FAM76B: variants seen among roughly 807,000 people sequenced by gnomAD.
FAM76B encodes protein FAM76B.
Under a neutral mutation model 51.8 loss-of-function variants are expected in FAM76B, and 16 were observed. That is an observed-to-expected ratio of 0.31 (90% confidence interval 0.21 to 0.47). FAM76B has a LOEUF of 0.47. FAM76B is among the 20% of genes least tolerant of loss of function. The pLI is 1.00. For synonymous variants in FAM76B, 166 were observed against 129.5 expected (o/e 1.28, Z -1.91); for missense variants, 342 against 392.6 (o/e 0.87, Z 1.09).
rs1220571719 is a variant in FAM76B, at chr11:95,779,939, C to T, written c.564-13G>A. On this transcript the variant is annotated splice_polypyrimidine_tract_variant and intron_variant, in intron 5 of 9. Transcript: ENST00000358780. ...TAGATTGCTGATTCTGAAAAATACA[C>T]AAATGACATCTAATAATGACATTTA... The T allele has an allele frequency of 6.3e-7, 1 of 1,599,522 alleles. No individual in the cohort carries two copies.
At chr11:95,789,154 G>A (rs1860813993) in intron 1 of FAM76B, 2 of 1,200,942 alleles carry the variant, frequency 1.7e-6, no homozygotes, top group Non-Finnish European at 2.3e-6. Flanking sequence ...ACGCTGACGG[G>A]GCCCGGCACC....
chr11:95,779,424 G>A, intron 7 of FAM76B, 183 bp downstream of exon 7: 1 of 594,504 alleles, frequency 1.7e-6, no homozygotes, highest in Non-Finnish European at 2.8e-6. Context: ...ATAGTTCAGT[G>A]CCACTTTCTT....
intron 1 of FAM76B, chr11:95,789,007 C>A (rs980500576): frequency 1.5e-6 from 2 of 1,357,256 alleles, no homozygotes; most frequent in Non-Finnish European, 1.9e-6. Flanking sequence ...CAAGAAAGTG[C>A]AAAAACCGTC....
intron 3 of FAM76B, among the ~76,000 whole-genome samples, 184 bp downstream of exon 3, chr11:95,787,440 C>T (rs1405887467): frequency 6.6e-6 from 1 of 152,136 alleles, no homozygotes; most frequent in Non-Finnish European, 1.5e-5. Flanking sequence ...TGGGGTTTCA[C>T]CGTGTTAGCC....
chr11:95,780,183 A>C (rs1860193664), intron 5 of FAM76B, among the ~76,000 whole-genome samples: 1 of 151,866 alleles, frequency 6.6e-6, no homozygotes, highest in Admixed American at 6.6e-5. Context: ...GTTCAATTTA[A>C]TATCATACAA....
At chr11:95,776,105 T>C in intron 8 of FAM76B, 82 bp from the exon 9 acceptor site, 1 of 691,738 alleles carries the variant, frequency 1.4e-6, no homozygotes, top group Non-Finnish European at 2.2e-6. Flanking sequence ...CACAATAAAC[T>C]CACATTTCAT....
At chr11:95,780,219 G>A (rs865865627) in intron 5 of FAM76B, among the ~76,000 whole-genome samples, 4 of 151,808 alleles carry the variant, frequency 2.6e-5, no homozygotes, top group Admixed American at 2.0e-4. Context: ...AGTAGTTTTC[G>A]TGCTTGTGTC....
chr11:95,786,302 T>G (rs1283837305), intron 3 of FAM76B, 28 bp from the exon 4 acceptor site: 3 of 1,610,996 alleles, frequency 1.9e-6, no homozygotes, highest in African/African-American at 1.3e-5. Context: ...TTTGAGACTT[T>G]TAAAAACATT....
At chr11:95,789,021 T>C in intron 1 of FAM76B, 1 of 1,363,054 alleles carries the variant, frequency 7.3e-7, no homozygotes, top group African/African-American at 1.5e-5. Context: ...AACCGTCCCC[T>C]GCCTCCTGGT....
chr11:95,786,642 T>C (rs951074126), intron 3 of FAM76B: 1 of 165,440 alleles, frequency 6.0e-6, no homozygotes, highest in Non-Finnish European at 1.3e-5. Flanking sequence ...ACTAATATCC[T>C]AGTTACCTTA....
intron 5 of FAM76B, 97 bp downstream of exon 5, chr11:95,782,968 G>C (rs1233327245): frequency 2.7e-6 from 4 of 1,467,154 alleles, no homozygotes; most frequent in Non-Finnish European, 3.7e-6. Flanking sequence ...ATGGAAACTA[G>C]ACTAGCACAT....
intron 5 of FAM76B, among the ~76,000 whole-genome samples, chr11:95,780,928 A>T (rs750378190): frequency 2.6e-5 from 4 of 152,096 alleles, no homozygotes; most frequent in Admixed American, 1.3e-4. Context: ...TCAGCTGTAG[A>T]AGTTTTTTAA....
At chr11:95,787,070 A>C (rs1458385804) in intron 3 of FAM76B, among the ~76,000 whole-genome samples, 1 of 152,228 alleles carries the variant, frequency 6.6e-6, no homozygotes, top group East Asian at 1.9e-4. Flanking sequence ...AATTTGCTAT[A>C]TTTGAATCTC....
At chr11:95,789,250 G>A (rs1362441101) in intron 1 of FAM76B, 142 bp downstream of exon 1, 11 of 1,002,124 alleles carry the variant, frequency 1.1e-5, no homozygotes, top group African/African-American at 1.6e-5. Context: ...AGAAAAAGGG[G>A]TCCCCGAGTG....
At chr11:95,786,068 TTGGCATTTTATTTAATTTCCAGAAG>T (rs1565295726) in intron 4 of FAM76B, 26 bp downstream of exon 4, 43 of 1,575,618 alleles carry the variant, frequency 2.7e-5, no homozygotes, top group Non-Finnish European at 3.7e-5. Flanking sequence ...TCCAACTTGT[TTGGCATTTTATTTAATTTCCAGAAG>T]ATGTCATAAC....
Position 95,779,708 on chromosome 11 carries a change from G to A in FAM76B, c.612-21C>T, listed in dbSNP as rs960035064. 5 of 1,601,302 alleles carry A rather than the reference G, an allele frequency of 3.1e-6. No homozygotes were observed. In the African/African-American group the frequency reaches 5.4e-5, roughly 17 times the overall value. ...TATGGCTGAAACCAAACATTAATAA[G>A]AATAGTTAGAGTAAAAAGGACAGAG... On this transcript the variant is annotated intron_variant, in intron 6 of 9. Transcript: ENST00000358780.
chr11:95,775,992 T>C lies in FAM76B; in HGVS notation c.860A>G (p.Gln287Arg). The change falls in exon 9 of 10, where the codon CAA becomes CGA. Residue 287 changes from glutamine (Q) to arginine (R), a missense_variant. By Grantham distance (43) the Gln-to-Arg change is conservative. This residue lies in a region of FAM76B where 230 missense variants were observed against 257.4 expected (regional missense o/e 0.89). Transcript: ENST00000358780. ...LTELKADFQYQESNLRTKMNS... is the reference protein window; with the variant it reads ...LTELKADFQYRESNLRTKMNS... ...CATTTTTGTTCTCAAATTTGACTCT[T>C]GGTACTGAAAGTCTGCCTTTAGTTC... 1 of 1,590,428 alleles carries C rather than the reference T, an allele frequency of 6.3e-7. No individual in the cohort carries two copies. The highest frequency in any genetic ancestry group is 1.1e-5 in the South Asian group (1 of 87,758).
Position 95,779,886 on chromosome 11 carries a change from T to A in FAM76B, c.604A>T (p.Lys202Ter), listed in dbSNP as rs763875128. 6.2e-7 allele frequency: 1 copy of A among 1,605,588 alleles called. No homozygotes were observed. Among genetic ancestry groups the A allele is most frequent in the Non-Finnish European group, 8.5e-7 (1 of 1,176,604 alleles). ...LSPEEEQGLWKQSHKSSATIQ... is the reference protein window; with the variant it reads ...LSPEEEQGLW ...ATACAGCAATGTATTTACCTCTGTT[T>A]CCACAGTCCCTGCTCTTCTTCTGGA... is the stretch of plus-strand genomic sequence containing the variant. The change falls in exon 6 of 10, where the codon AAA (lysine) becomes TAA (stop). Residue 202 changes from lysine (K) to a stop codon, truncating the protein, a stop_gained. Coordinates refer to ENST00000358780, the MANE Select transcript of FAM76B (RefSeq NM_144664.5). LOFTEE classifies it high-confidence loss of function.
Position 95,771,465 on chromosome 11 carries a change from A to G in FAM76B, c.*96T>C. The G allele has an allele frequency of 2.3e-6, 2 of 863,962 alleles. No homozygotes were observed. The highest frequency in any genetic ancestry group is 2.5e-5 in the Admixed American group (1 of 40,134). 53.5% of individuals were successfully genotyped at this position (863,962 alleles called of 1,614,324 possible). On this transcript the variant is annotated 3_prime_UTR_variant, in exon 10 of 10. Transcript: ENST00000358780. ...AAACACACCAATTCATTTGGTGTGC[A>G]AAAATATTTTTCTACTACACAGAAT...
Sources: gnomAD v4.1 joint callset for allele counts (sites outside exome capture counted in the v4.1 genomes callset) on GRCh38, gnomAD v4.1.1 for gene constraint, gnomAD v4.1.1 regional missense constraint, MANE v1.5 for transcripts, NCBI Gene and HGNC (gene_info 2026-07-23, HGNC 2026-07-21) for gene names.